NEGR1: variants seen among roughly 807,000 people sequenced by gnomAD.
NEGR1 encodes the protein IgLON family member 4.
A neutral mutation model predicts 40.9 loss-of-function variants in NEGR1; 10 were observed. That is an observed-to-expected ratio of 0.24 (90% CI 0.15 to 0.42). NEGR1 has a LOEUF of 0.42. Ranked by LOEUF, NEGR1 falls within the 10% of genes least tolerant of loss-of-function variation. NEGR1 has a pLI of 1.00. For missense variants in NEGR1, 352 were observed against 438.9 expected, an observed-to-expected ratio of 0.80 and a Z score of 1.77; for synonymous variants, 185 against 166.8, an observed-to-expected ratio of 1.11 and a Z score of -0.84.
chr1:72,104,109 G>T (rs565448220), intron 1 of NEGR1, among the ~76,000 whole-genome samples: 1 of 152,024 alleles, frequency 6.6e-6, no homozygotes, highest in East Asian at 1.9e-4. Context: ...AGAACATAAA[G>T]TTTTGAGTGC....
chr1:72,212,139 C>T (rs761017891), intron 1 of NEGR1, among the ~76,000 whole-genome samples: 1 of 151,886 alleles, frequency 6.6e-6, no homozygotes, highest in Non-Finnish European at 1.5e-5. Context: ...ATTCACTCAA[C>T]GTTAGGATTT....
chr1:72,125,895 C>A (rs1357160960), intron 1 of NEGR1, among the ~76,000 whole-genome samples: 1 of 152,110 alleles, frequency 6.6e-6, no homozygotes, highest in Non-Finnish European at 1.5e-5. Context: ...CAGGAAAGAA[C>A]AGAAGCCAGG....
At chr1:71,650,746 A>T (rs1003927598) in intron 4 of NEGR1, among the ~76,000 whole-genome samples, 1 of 152,172 alleles carries the variant, frequency 6.6e-6, no homozygotes, top group African/African-American at 2.4e-5. Context: ...GTGCTCTAAA[A>T]TGGAATTGTG....
chr1:71,689,556 C>T (rs1653180724), intron 4 of NEGR1, among the ~76,000 whole-genome samples: 1 of 152,036 alleles, frequency 6.6e-6, no homozygotes, highest in Non-Finnish European at 1.5e-5. Flanking sequence ...TTTGAAAAAG[C>T]AGTTATGCTC....
At chr1:71,616,229 G>A (rs1308928262) in intron 4 of NEGR1, among the ~76,000 whole-genome samples, 1 of 152,190 alleles carries the variant, frequency 6.6e-6, no homozygotes, top group Non-Finnish European at 1.5e-5. Flanking sequence ...AGTGGCAGGT[G>A]AGCAAATGGA....
At chr1:71,907,335 T>C (rs1409761239) in intron 2 of NEGR1, among the ~76,000 whole-genome samples, 1 of 152,162 alleles carries the variant, frequency 6.6e-6, no homozygotes, top group African/African-American at 2.4e-5. Context: ...ATAACTATTG[T>C]TGGAAACATC....
chr1:71,527,782 T>C (rs1647239012), intron 6 of NEGR1, among the ~76,000 whole-genome samples: 4 of 151,438 alleles, frequency 2.6e-5, no homozygotes, highest in Admixed American at 2.0e-4. Context: ...TAAAAGGTTG[T>C]TTATTATCCT....
chr1:72,166,377 A>G (rs1461160843), intron 1 of NEGR1, among the ~76,000 whole-genome samples: 2 of 152,140 alleles, frequency 1.3e-5, no homozygotes, highest in Non-Finnish European at 2.9e-5. Flanking sequence ...GAGGTTCCTC[A>G]GAAACTAAAA....
chr1:71,713,907 G>C (rs1654187419), intron 3 of NEGR1, among the ~76,000 whole-genome samples: 3 of 152,192 alleles, frequency 2.0e-5, no homozygotes, highest in African/African-American at 7.2e-5. Context: ...TGGGCCTCAG[G>C]GTCAATGCAG....
At position 72,061,129 on chromosome 1, in the gene NEGR1, C is replaced by A. The variant is rs112630576; in HGVS notation, c.177-125818G>T. ...CAGTGAAATGTTTAATACCTAGAGA[C>A]AGAATTCTAGTTTTATGTCTTAGAA... On this transcript the variant is annotated intron_variant, in intron 1 of 6. Transcript: ENST00000357731. 6.6e-5 allele frequency among the ~76,000 whole-genome samples: 10 copies of A among 151,566 alleles called. No individual in the cohort carries two copies. In the South Asian group the frequency reaches 1.9e-3, roughly 28 times the overall value.
At chr1:71,435,037 G>C (rs1646498597) in intron 6 of NEGR1, among the ~76,000 whole-genome samples, 1 of 151,988 alleles carries the variant, frequency 6.6e-6, no homozygotes, top group Non-Finnish European at 1.5e-5. Flanking sequence ...CTTGCAGTGA[G>C]CCGAGATTGC....
chr1:71,932,891 T>G (rs1645868448), intron 2 of NEGR1, among the ~76,000 whole-genome samples: 1 of 152,136 alleles, frequency 6.6e-6, no homozygotes, highest in Admixed American at 6.6e-5. Context: ...GGGTTGACTT[T>G]TTATGACATT....
chr1:71,799,290 C>A (rs748670819), intron 2 of NEGR1, among the ~76,000 whole-genome samples: 1 of 152,060 alleles, frequency 6.6e-6, no homozygotes, highest in African/African-American at 2.4e-5. Flanking sequence ...GGAGACCACA[C>A]GGTGTTTGGT....
intron 3 of NEGR1, among the ~76,000 whole-genome samples, chr1:71,751,773 T>C (rs1416861249): frequency 1.3e-5 from 2 of 151,910 alleles, no homozygotes; most frequent in African/African-American, 2.4e-5. Flanking sequence ...GCATTTTTCC[T>C]GAAGGGAAGG....
chr1:71,449,216 A>G (rs57555612), intron 6 of NEGR1, among the ~76,000 whole-genome samples: 4,086 of 152,286 alleles, frequency 0.027, 191 homozygotes, highest in African/African-American at 0.093. Context: ...CAAAAGTTCA[A>G]TCATTCATAT....
intron 3 of NEGR1, among the ~76,000 whole-genome samples, chr1:71,760,088 C>T (rs892921454): frequency 1.6e-4 from 24 of 152,238 alleles, no homozygotes; most frequent in African/African-American, 5.8e-4. Flanking sequence ...ATTCAGTGCA[C>T]CAAGGGGAAA....
chr1:71,668,933 T>C (rs917879588), intron 4 of NEGR1, among the ~76,000 whole-genome samples: 3 of 152,098 alleles, frequency 2.0e-5, no homozygotes, highest in Non-Finnish European at 2.9e-5. Flanking sequence ...ATATAATTCC[T>C]GATTTTTTTT....
At chr1:71,815,140 T>C (rs1376128153) in intron 2 of NEGR1, among the ~76,000 whole-genome samples, 2 of 152,154 alleles carry the variant, frequency 1.3e-5, no homozygotes, top group South Asian at 4.1e-4. Context: ...AACTTATTGA[T>C]TTCTGCCTTA....
chr1:71,971,205 A>G (rs1314238636), intron 1 of NEGR1, among the ~76,000 whole-genome samples: 2 of 152,236 alleles, frequency 1.3e-5, no homozygotes, highest in Non-Finnish European at 2.9e-5. Context: ...CAGAGGTGTC[A>G]GTGTTAGCGT....
Sources: allele counts gnomAD v4.1 joint callset (sites outside exome capture counted in the v4.1 genomes callset), GRCh38; gene constraint gnomAD v4.1.1; transcripts MANE v1.5; gene names NCBI Gene and HGNC (gene_info 2026-07-23, HGNC 2026-07-21).